Variants in DNAH7 observed in about 807,000 individuals in gnomAD.
DNAH7 encodes the protein axonemal beta dynein heavy chain 7.
DNAH7 carries 397 observed loss-of-function variants against 444.6 expected under a neutral mutation model. The observed-to-expected ratio is 0.89, with a 90% CI of 0.82 to 0.97. The LOEUF (loss-of-function observed/expected upper bound fraction) is 0.97. Among genes scored for constraint, DNAH7 ranks in the 50% least tolerant of loss-of-function variants. DNAH7 has a pLI of 0.00. For synonymous variants in DNAH7, 1,636 were observed against 1,624.4 expected (o/e 1.01, Z -0.17); for missense variants, 4,902 against 4,800.8 (o/e 1.02, Z -0.62).
At chr2:195,876,988 C>T (rs374429475) in intron 36 of DNAH7, among the ~76,000 whole-genome samples, 2 of 152,226 alleles carry the variant, frequency 1.3e-5, no homozygotes, top group East Asian at 3.9e-4. Flanking sequence ...CTAAGTTCTC[C>T]GAGATGGGCA....
chr2:195,777,958 T>C lies in DNAH7; in HGVS notation c.10906A>G (p.Met3636Val), dbSNP rs111520043. 37 of 1,613,834 alleles carry C rather than the reference T, an allele frequency of 2.3e-5. 1 individual carries two copies. The highest frequency in any genetic ancestry group is 1.9e-4 in the African/African-American group (14 of 75,064). ...EELPYEALRY[M>V]TGECNYGGRV... The stretch of plus-strand genomic sequence containing the variant: ...CCTCCGTAATTGCATTCGCCAGTCA[T>C]GTACCGCAGAGCCTCATACGGCAGT... The change falls in exon 59 of 65, where the codon ATG becomes GTG. Residue 3636 changes from methionine to valine, a missense_variant. Met to Val is a conservative substitution (Grantham distance 21). Coordinates refer to ENST00000312428, the MANE Select transcript of DNAH7 (RefSeq NM_018897.3).
intron 8 of DNAH7, among the ~76,000 whole-genome samples, chr2:196,022,753 C>A (rs1695456198): frequency 6.6e-6 from 1 of 152,156 alleles, no homozygotes; most frequent in African/African-American, 2.4e-5. Context: ...ATTTTTACCA[C>A]CTTGTATGAA....
intron 41 of DNAH7, among the ~76,000 whole-genome samples, chr2:195,862,589 T>C (rs1551838): frequency 0.41 from 62,856 of 152,028 alleles, 15,632 homozygotes; most frequent in Non-Finnish European, 0.57. Flanking sequence ...TGAACTGTTA[T>C]ACCACTTCCC....
rs562010738 is a variant in DNAH7, at chr2:195,760,622, G to A, written c.11434-4337C>T. Among the ~76,000 whole-genome samples, 94 of 152,044 alleles carry A rather than the reference G, an allele frequency of 6.2e-4. 1 individual carries two copies. The highest frequency in any genetic ancestry group is 2.1e-3 in the African/African-American group (87 of 41,454). On this transcript the variant is annotated intron_variant, in intron 61 of 64. Coordinates refer to ENST00000312428, the MANE Select transcript of DNAH7 (RefSeq NM_018897.3). ...ATGAGAAACAAAGGGAAGAGAACAA[G>A]ACTCTTTCCCTTGTAATTTAGAGAA...
intron 24 of DNAH7, among the ~76,000 whole-genome samples, chr2:195,921,777 G>A (rs1688041439): frequency 6.6e-6 from 1 of 152,110 alleles, no homozygotes; most frequent in African/African-American, 2.4e-5. Context: ...AGAAAATTCA[G>A]TGTTTCAAGG....
intron 58 of DNAH7, among the ~76,000 whole-genome samples, chr2:195,784,262 T>G (rs1695512481): frequency 1.3e-5 from 2 of 152,218 alleles, no homozygotes; most frequent in East Asian, 3.8e-4. Flanking sequence ...ATTCATTTTT[T>G]TTTCCTACCT....
chr2:195,844,959 G>A (rs16840768), intron 47 of DNAH7, 43 bp downstream of exon 47: 130,479 of 1,556,428 alleles, frequency 0.084, 5,937 homozygotes, highest in African/African-American at 0.14. Flanking sequence ...TAAATCTACT[G>A]TTATTTAATA....
At chr2:195,901,815 A>C (rs1212051018) in intron 27 of DNAH7, 2 of 152,214 alleles carry the variant, frequency 1.3e-5, no homozygotes, top group African/African-American at 4.8e-5. Flanking sequence ...TTATTATTAG[A>C]GATAAATCAA....
At chr2:195,946,222 C>A (rs1295776456) in intron 19 of DNAH7, among the ~76,000 whole-genome samples, 1 of 150,750 alleles carries the variant, frequency 6.6e-6, no homozygotes, top group Non-Finnish European at 1.5e-5. Context: ...TGGGCTATGG[C>A]AGGCAGATGA....
chr2:195,809,653 C>T, intron 52 of DNAH7, 92 bp downstream of exon 52: 1 of 1,187,684 alleles, frequency 8.4e-7, no homozygotes, highest in Non-Finnish European at 1.1e-6. Flanking sequence ...TAACTATTTA[C>T]AATCTTTTTA....
At chr2:196,034,065 A>C (rs1394768971) in intron 5 of DNAH7, among the ~76,000 whole-genome samples, 1 of 152,218 alleles carries the variant, frequency 6.6e-6, no homozygotes, top group East Asian at 1.9e-4. Flanking sequence ...AATAAGTGCA[A>C]AAAGGATATA....
intron 7 of DNAH7, among the ~76,000 whole-genome samples, chr2:196,025,856 G>T (rs564672497): frequency 6.6e-6 from 1 of 152,068 alleles, no homozygotes; most frequent in Admixed American, 6.5e-5. Flanking sequence ...TTACTCCAAA[G>T]CATTATTATT....
At chr2:195,865,047 T>C (rs1348294411) in intron 40 of DNAH7, 26 bp from the exon 41 acceptor site, 4 of 1,530,666 alleles carry the variant, frequency 2.6e-6, no homozygotes, top group East Asian at 2.3e-5. Context: ...AAAGCAGCTT[T>C]AGAAACTTTC....
intron 48 of DNAH7, among the ~76,000 whole-genome samples, chr2:195,828,942 C>T (rs1166864105): frequency 6.6e-6 from 1 of 152,114 alleles, no homozygotes; most frequent in Non-Finnish European, 1.5e-5. Flanking sequence ...TGGCTTACTA[C>T]TCTCTTTTCT....
intron 40 of DNAH7, among the ~76,000 whole-genome samples, chr2:195,868,044 G>T (rs1339169334): frequency 1.3e-5 from 2 of 149,346 alleles, no homozygotes; most frequent in African/African-American, 2.5e-5. Context: ...ATGTATGAGG[G>T]TTCCAATTCT....
intron 19 of DNAH7, among the ~76,000 whole-genome samples, chr2:195,939,804 T>G (rs1031858646): frequency 6.6e-6 from 1 of 151,738 alleles, no homozygotes; most frequent in Non-Finnish European, 1.5e-5. Flanking sequence ...TATAGAGAGC[T>G]TTCTCATTTC....
intron 39 of DNAH7, among the ~76,000 whole-genome samples, chr2:195,873,288 G>C (rs1422577228): frequency 1.3e-5 from 2 of 152,176 alleles, no homozygotes; most frequent in Non-Finnish European, 2.9e-5. Context: ...CAAAGTCACA[G>C]CATAAACCTG....
intron 15 of DNAH7, among the ~76,000 whole-genome samples, chr2:195,974,755 TACACACACACACACACACAC>T (rs58054572): frequency 7.0e-6 from 1 of 143,576 alleles, no homozygotes; most frequent in African/African-American, 2.6e-5. Context: ...ATGTATATTT[TACACACACACACACACACAC>T]ACACACACAC....
intron 17 of DNAH7, among the ~76,000 whole-genome samples, chr2:195,969,373 T>C (rs1559286427): frequency 6.6e-6 from 1 of 152,272 alleles, no homozygotes; most frequent in Non-Finnish European, 1.5e-5. Context: ...GTTAATCATA[T>C]GTTTTCATTC....
Sources: gnomAD v4.1 joint callset for allele counts (sites outside exome capture counted in the v4.1 genomes callset) on GRCh38, gnomAD v4.1.1 for gene constraint, MANE v1.5 for transcripts, NCBI Gene and HGNC (gene_info 2026-07-23, HGNC 2026-07-21) for gene names.